Variants in ADGRV1 observed in about 807,000 individuals in gnomAD.
ADGRV1 encodes the protein G-protein coupled receptor 98.
A neutral mutation model predicts 596.2 loss-of-function variants in ADGRV1; 359 were observed. That is an observed-to-expected ratio of 0.60 (90% CI 0.55 to 0.66). The LOEUF (loss-of-function observed/expected upper bound fraction) is 0.66, where lower values mean the gene tolerates loss of function less well. Among genes scored for constraint, ADGRV1 ranks in the 30% least tolerant of loss-of-function variants. ADGRV1 has a pLI of 0.00. For missense variants in ADGRV1, 7,274 were observed against 7,575.6 expected (o/e 0.96, Z 1.48); for synonymous variants, 2,681 against 2,679.2 (o/e 1.00, Z -0.02).
chr5:91,091,055 T>C (rs1790339832), intron 86 of ADGRV1, among the ~76,000 whole-genome samples: 1 of 152,202 alleles, frequency 6.6e-6, no homozygotes, highest in African/African-American at 2.4e-5. Flanking sequence ...TACAGTAAAT[T>C]TGACTTCTCA....
At chr5:90,657,834 T>C (rs1251796010) in intron 20 of ADGRV1, 71 bp from the exon 21 acceptor site, 2 of 1,432,556 alleles carry the variant, frequency 1.4e-6, no homozygotes, top group Non-Finnish European at 9.2e-7. Context: ...TCTTACTTTC[T>C]GAATCACACG....
chr5:90,871,955 G>A (rs73771105), intron 83 of ADGRV1, among the ~76,000 whole-genome samples: 2,437 of 152,300 alleles, frequency 0.016, 67 homozygotes, highest in African/African-American at 0.056. Context: ...CAAGACACAA[G>A]ATCCGAGGAA....
intron 85 of ADGRV1, among the ~76,000 whole-genome samples, chr5:91,036,402 A>G (rs1161912160): frequency 6.6e-6 from 1 of 152,026 alleles, no homozygotes; most frequent in Non-Finnish European, 1.5e-5. Flanking sequence ...TACTAAAAAT[A>G]CAAAAAAAAA....
intron 62 of ADGRV1, 131 bp downstream of exon 62, chr5:90,778,174 A>C: frequency 9.5e-7 from 1 of 1,057,512 alleles, no homozygotes; most frequent in Non-Finnish European, 1.4e-6. Flanking sequence ...GGAGGAGGTA[A>C]ATATTACAGC....
In ADGRV1 at chr5:90,685,761, T is replaced by C; in HGVS notation, c.6275-19T>C. 1 of 1,585,326 alleles carries C rather than the reference T, an allele frequency of 6.3e-7. No individual in the cohort carries two copies. The highest frequency in any genetic ancestry group is 1.1e-5 in the South Asian group (1 of 90,004). ...TTTTGATAGCTTTCTGTGTTCTGTG[T>C]GGATCTTCTGTCTTTCAGTTCCAAA... On this transcript the variant is annotated intron_variant, in intron 28 of 89. Coordinates refer to ENST00000405460, the MANE Select transcript of ADGRV1 (RefSeq NM_032119.4).
At chr5:90,686,312 C>A (rs879887310) in intron 29 of ADGRV1, among the ~76,000 whole-genome samples, 1 of 151,986 alleles carries the variant, frequency 6.6e-6, no homozygotes, top group East Asian at 1.9e-4. Context: ...GTGCTGCACC[C>A]ATTAACTCAT....
At chr5:91,124,710 G>A (rs1476785207) in intron 87 of ADGRV1, among the ~76,000 whole-genome samples, 1 of 152,122 alleles carries the variant, frequency 6.6e-6, no homozygotes, top group Non-Finnish European at 1.5e-5. Context: ...CTCAAAAAAG[G>A]CTGTTCATAA....
chr5:91,070,642 G>A (rs1379292050), intron 85 of ADGRV1, among the ~76,000 whole-genome samples: 1 of 152,118 alleles, frequency 6.6e-6, no homozygotes, highest in Non-Finnish European at 1.5e-5. Context: ...AGCGCAAGTG[G>A]ATGTTATGTT....
At position 90,759,821 on chromosome 5, in the gene ADGRV1, T is replaced by C. The variant is rs563766678; in HGVS notation, c.12120+233T>C. The C allele has an allele frequency of 1.2e-3, 549 of 446,686 alleles. 3 individuals are homozygous for C. The highest frequency in any genetic ancestry group is 2.0e-3 in the Non-Finnish European group (481 of 240,758). The allele number at this position is 446,686 out of a possible 1,614,324, so 27.7% of individuals were successfully genotyped here. A position where few individuals can be genotyped will look rare whatever the true frequency, so the allele number is the denominator to read the frequency against. On this transcript the variant is annotated intron_variant, in intron 58 of 89. Coordinates refer to ENST00000405460, the MANE Select transcript of ADGRV1 (RefSeq NM_032119.4). ...CTCTACTGAAAGTACAAAAATTAGCTGGGCGTGGTGGCACATGCCTGTATT... is the reference window on the plus strand; with the variant it reads ...CTCTACTGAAAGTACAAAAATTAGCCGGGCGTGGTGGCACATGCCTGTATT...
chr5:90,613,793 T>C (rs1233803918), intron 1 of ADGRV1, among the ~76,000 whole-genome samples: 2 of 152,116 alleles, frequency 1.3e-5, no homozygotes, highest in Non-Finnish European at 2.9e-5. Context: ...GGAACTCATA[T>C]ATTTGGCGTG....
chr5:91,151,119 G>A (rs1796018557), intron 88 of ADGRV1, among the ~76,000 whole-genome samples: 1 of 152,100 alleles, frequency 6.6e-6, no homozygotes, highest in Non-Finnish European at 1.5e-5. Context: ...GTCTGAAAAG[G>A]AAACAGTTTA....
chr5:91,102,664 A>T (rs1321794949), intron 87 of ADGRV1, among the ~76,000 whole-genome samples: 3 of 152,230 alleles, frequency 2.0e-5, no homozygotes, highest in Admixed American at 6.5e-5. Flanking sequence ...GTCATGTAAG[A>T]TCAATGCACA....
rs1561519493 is a variant in ADGRV1 at position 90,683,604 on chromosome 5, ACT to A, written c.5686_5687del (p.Leu1896ValfsTer12). 1 of 1,601,384 alleles carries A rather than the reference ACT, an allele frequency of 6.2e-7. No homozygotes were observed. The highest frequency in any genetic ancestry group is 1.7e-5 in the Admixed American group (1 of 59,602). Reference protein sequence around the residue: ...VTLNVIRHHGTLSPVTLHWNI... With the variant: ...VTLNVIRHHGXLSPVTLHWNI... ...TTTGTAGGTTATAAGACATCATGGA[ACT>A]CTGTCTCCAGTGACTTTGCATTGGA... On this transcript the variant is annotated frameshift_variant, in exon 28 of 90. Transcript: ENST00000405460. LOFTEE classifies it high-confidence loss of function.
At chr5:90,897,175 T>C (rs1771406105) in intron 83 of ADGRV1, among the ~76,000 whole-genome samples, 1 of 152,232 alleles carries the variant, frequency 6.6e-6, no homozygotes, top group Non-Finnish European at 1.5e-5. Context: ...TAGCACAAAG[T>C]TTAGCACATT....
At chr5:90,668,636 C>A (rs1036585002) in intron 21 of ADGRV1, among the ~76,000 whole-genome samples, 1 of 152,056 alleles carries the variant, frequency 6.6e-6, no homozygotes, top group African/African-American at 2.4e-5. Context: ...GGCTCCTCCC[C>A]CTGGTAGTTT....
chr5:91,103,200 A>T (rs1447649294), intron 87 of ADGRV1, among the ~76,000 whole-genome samples: 4 of 152,170 alleles, frequency 2.6e-5, no homozygotes, highest in Admixed American at 1.3e-4. Context: ...ATCATAGCTT[A>T]CATGATGGTG....
chr5:91,014,021 T>C (rs1782947134), intron 85 of ADGRV1, among the ~76,000 whole-genome samples: 1 of 151,888 alleles, frequency 6.6e-6, no homozygotes, highest in African/African-American at 2.4e-5. Context: ...ATCCTAGGTA[T>C]GTGGCCTTAT....
chr5:90,829,228 T>C (rs781166294), intron 77 of ADGRV1, 42 bp downstream of exon 77: 5 of 1,365,490 alleles, frequency 3.7e-6, no homozygotes, highest in Non-Finnish European at 4.8e-6. Context: ...TATGGTTTTC[T>C]TCTTTAACTA....
intron 83 of ADGRV1, among the ~76,000 whole-genome samples, chr5:90,942,952 A>C (rs2150868291): frequency 6.6e-6 from 1 of 152,274 alleles, no homozygotes; most frequent in East Asian, 1.9e-4. Context: ...TGTGGACCCA[A>C]GTCATAGACT....
Sources: allele counts gnomAD v4.1 joint callset (sites outside exome capture counted in the v4.1 genomes callset), GRCh38; gene constraint gnomAD v4.1.1; transcripts MANE v1.5; gene names NCBI Gene and HGNC (gene_info 2026-07-23, HGNC 2026-07-21).